BORA: variants seen among roughly 807,000 people sequenced by gnomAD.
The protein encoded by BORA is protein aurora borealis.
A neutral mutation model predicts 55.8 loss-of-function variants in BORA; 26 were observed. The ratio of observed to expected loss-of-function variants is 0.47; its 90% CI spans 0.34 to 0.65. The LOEUF (loss-of-function observed/expected upper bound fraction) is 0.65, where lower values mean the gene tolerates loss of function less well. Among genes scored for constraint, BORA ranks in the 30% least tolerant of loss-of-function variants. The probability of loss-of-function intolerance (pLI) is 0.01; values close to 1 mark genes in which losing one functional copy is unlikely to be tolerated. For synonymous variants in BORA, 201 were observed against 216.9 expected, an observed-to-expected ratio of 0.93 and a Z score of 0.64; for missense variants, 568 against 671.5, an observed-to-expected ratio of 0.85 and a Z score of 1.70.
At chr13:72,755,087 G>A (rs2033413728) in intron 11 of BORA, 64 bp from the exon 12 acceptor site, 18 of 1,406,052 alleles carry the variant, frequency 1.3e-5, no homozygotes, top group Admixed American at 1.7e-5. Flanking sequence ...AAACAGTCCC[G>A]ATAATTGCAT....
Position 72,745,965 on chromosome 13 carries a change from A to T in BORA, c.760A>T (p.Ile254Phe). The T allele has an allele frequency of 6.2e-7, 1 of 1,612,662 alleles. No homozygotes were observed. Among genetic ancestry groups the T allele is most frequent in the Non-Finnish European group, 8.5e-7 (1 of 1,179,050 alleles). ...ACAGGGGCAGTTTTCTTCTAGCCCT[A>T]TTCAGGCTAGTGCAAAAAAATACAG... Reference protein sequence around the residue: ...PSSGQFSSSPIQASAKKYSLG... With the variant: ...PSSGQFSSSPFQASAKKYSLG... The change falls in exon 9 of 12, where the codon ATT becomes TTT. Residue 254 changes from isoleucine to phenylalanine, a missense_variant. Physicochemically the swap from Ile to Phe is conservative, Grantham distance 21. Transcript: ENST00000390667.
intron 4 of BORA, among the ~76,000 whole-genome samples, chr13:72,736,384 C>T (rs1360599341): frequency 6.6e-6 from 1 of 151,996 alleles, no homozygotes; most frequent in Non-Finnish European, 1.5e-5. Flanking sequence ...ATGACTATAA[C>T]ATTTCTTATG....
chr13:72,735,110 C>T, intron 4 of BORA, 105 bp downstream of exon 4: 1 of 857,552 alleles, frequency 1.2e-6, no homozygotes, highest in Non-Finnish European at 1.9e-6. Context: ...GTCCTATCTC[C>T]CCTCCAAGCC....
At chr13:72,728,737 A>C (rs1459189250) in intron 1 of BORA, among the ~76,000 whole-genome samples, 189 bp from the exon 2 acceptor site, 1 of 152,268 alleles carries the variant, frequency 6.6e-6, no homozygotes, top group Middle Eastern at 3.4e-3. Context: ...TATAGCTTTC[A>C]AGGTTGTTTC....
At chr13:72,735,768 C>T (rs954922196) in intron 4 of BORA, among the ~76,000 whole-genome samples, 6 of 149,960 alleles carry the variant, frequency 4.0e-5, no homozygotes, top group South Asian at 2.1e-4. Context: ...CGCCACCACA[C>T]GCAGCTAATT....
At chr13:72,736,671 T>C (rs2032934382) in intron 4 of BORA, among the ~76,000 whole-genome samples, 1 of 152,178 alleles carries the variant, frequency 6.6e-6, no homozygotes, top group Admixed American at 6.5e-5. Context: ...TATATATCTT[T>C]ATATTCTTGA....
intron 10 of BORA, among the ~76,000 whole-genome samples, chr13:72,750,784 A>G (rs1165237288): frequency 1.3e-5 from 2 of 152,110 alleles, no homozygotes; most frequent in Non-Finnish European, 2.9e-5. Context: ...GATATAATAG[A>G]TATCGTCATC....
intron 5 of BORA, among the ~76,000 whole-genome samples, chr13:72,742,774 AC>A (rs1311415388): frequency 0.1 from 229 of 2,284 alleles, 9 homozygotes; most frequent in East Asian, 0.5. Context: ...ATATACACAC[AC>A]ACACACACAC....
Position 72,746,724 on chromosome 13 carries a change from A to G in BORA, c.1095A>G (p.Lys365=). 1.2e-6 allele frequency: 2 copies of G among 1,614,164 alleles called. No homozygotes were observed. The highest frequency in any genetic ancestry group is 1.7e-6 in the Non-Finnish European group (2 of 1,180,006). The part of the protein sequence containing the change: ...LETQGEDEED[K]ENIPSTDVSS... Reference sequence around the variant, plus strand: ...CTCAAGGTGAAGATGAGGAAGATAAAGAGAATATTCCTTCCACAGATGTCT... The same window carrying G: ...CTCAAGGTGAAGATGAGGAAGATAAGGAGAATATTCCTTCCACAGATGTCT... The change falls in exon 10 of 12, where the codon AAA becomes AAG. Residue 365 remains lysine (K), a synonymous_variant. Coordinates refer to ENST00000390667, the MANE Select transcript of BORA (RefSeq NM_024808.5).
intron 8 of BORA, 69 bp downstream of exon 8, chr13:72,745,276 C>T (rs2138086203): frequency 7.6e-7 from 1 of 1,315,170 alleles, no homozygotes; most frequent in East Asian, 2.3e-5. Flanking sequence ...TGTTGTTGTT[C>T]TATCTTAGGC....
At chr13:72,746,470 A>G (rs1463246649) in intron 9 of BORA, 31 bp from the exon 10 acceptor site, 1 of 1,568,586 alleles carries the variant, frequency 6.4e-7, no homozygotes, top group South Asian at 1.2e-5. Flanking sequence ...TGTTTTTATG[A>G]TGTGATTTTT....
intron 11 of BORA, 102 bp downstream of exon 11, chr13:72,753,923 T>A: frequency 8.5e-7 from 1 of 1,172,094 alleles, no homozygotes; most frequent in Non-Finnish European, 1.2e-6. Context: ...ATATGAAATT[T>A]AAAACACTAA....
intron 1 of BORA, 136 bp downstream of exon 1, chr13:72,728,143 C>A: frequency 7.9e-7 from 1 of 1,261,364 alleles, no homozygotes; most frequent in Non-Finnish European, 1.1e-6. Context: ...AAGAGAGGGG[C>A]ACCAGAAAGA....
rs1201296462 is a variant in BORA, at chr13:72,736,115, AGTTT to A, written c.306+1111_306+1114del. ...TTCTTCTTCTATCTAGTAACTGCAC[AGTTT>A]TCATTCTGACTCAGTCACTTGGTTC... On this transcript the variant is annotated intron_variant, in intron 4 of 11. Transcript: ENST00000390667. Among the ~76,000 whole-genome samples, 5 of 152,090 alleles carry A rather than the reference AGTTT, an allele frequency of 3.3e-5. No homozygotes were observed. In the East Asian group the frequency reaches 9.7e-4, roughly 29 times the overall value.
chr13:72,737,974 G>A lies in BORA; in HGVS notation c.319G>A (p.Asp107Asn). Residue 107 changes from aspartate (D) to asparagine (N), a missense_variant, in exon 5 of 12, where the codon GAT becomes AAT. By Grantham distance (23) the Asp-to-Asn change is conservative. Transcript: ENST00000390667. ...QKAIEEFFTK[D>N]VIVPSPWTDH... The stretch of plus-strand genomic sequence containing the variant: ...TTAATTTTCCTAGTTTTTCACTAAA[G>A]ATGTCATCGTACCCTCTCCTTGGAC... 3 of 1,587,678 alleles carry A rather than the reference G, an allele frequency of 1.9e-6. No individual in the cohort carries two copies. The highest frequency in any genetic ancestry group is 1.2e-5 in the South Asian group (1 of 86,874).
intron 5 of BORA, among the ~76,000 whole-genome samples, chr13:72,738,334 T>C (rs747832698): frequency 6.6e-6 from 1 of 152,138 alleles, no homozygotes; most frequent in African/African-American, 2.4e-5. Flanking sequence ...GTATTGAATA[T>C]AGAGATGAGT....
chr13:72,744,955 G>T, intron 7 of BORA, 26 bp from the exon 8 acceptor site: 3 of 1,591,678 alleles, frequency 1.9e-6, no homozygotes, highest in South Asian at 2.2e-5. Context: ...GACTAGCTTT[G>T]CCTTTTCTCC....
chr13:72,751,831 T>C (rs2033284080), intron 10 of BORA, among the ~76,000 whole-genome samples: 1 of 152,196 alleles, frequency 6.6e-6, no homozygotes, highest in Admixed American at 6.6e-5. Flanking sequence ...TATCAAAATA[T>C]CATGTACATC....
chr13:72,746,225 C>G (rs1449343198), intron 9 of BORA, 149 bp downstream of exon 9: 1 of 874,534 alleles, frequency 1.1e-6, no homozygotes, highest in East Asian at 2.7e-5. Context: ...AATAAAAGAA[C>G]AGTTTACCTT....
Sources: allele counts gnomAD v4.1 joint callset (sites outside exome capture counted in the v4.1 genomes callset), GRCh38; gene constraint gnomAD v4.1.1; transcripts MANE v1.5; gene names NCBI Gene and HGNC (gene_info 2026-07-23, HGNC 2026-07-21).